The following BMPR1B variants were observed in gnomAD, a reference collection of about 807,000 sequenced individuals.
BMPR1B encodes the protein bone morphogenetic protein receptor type 1B.
Under a neutral mutation model 59.1 loss-of-function variants are expected in BMPR1B, and 12 were observed. That is an observed-to-expected ratio of 0.20 (90% CI 0.13 to 0.33). BMPR1B has a LOEUF of 0.33. Ranked by LOEUF, BMPR1B falls within the 10% of genes least tolerant of loss-of-function variation. The pLI is 1.00. For synonymous variants in BMPR1B, 237 were observed against 207.3 expected, an observed-to-expected ratio of 1.14 and a Z score of -1.23; for missense variants, 550 against 610.9, an observed-to-expected ratio of 0.90 and a Z score of 1.05.
chr4:95,146,771 C>T (rs1281194678), intron 10 of BMPR1B, among the ~76,000 whole-genome samples: 2 of 152,212 alleles, frequency 1.3e-5, no homozygotes, highest in African/African-American at 2.4e-5. Context: ...GAAATCCCTA[C>T]TCTGCTCCCA....
intron 11 of BMPR1B, among the ~76,000 whole-genome samples, chr4:95,151,081 T>C (rs1208146511): frequency 6.6e-6 from 1 of 152,198 alleles, no homozygotes; most frequent in Admixed American, 6.5e-5. Context: ...CAGGCCCTTC[T>C]GGGTGAAAGA....
intron 1 of BMPR1B, among the ~76,000 whole-genome samples, chr4:94,793,191 C>G (rs1723050777): frequency 6.6e-6 from 1 of 151,570 alleles, no homozygotes; most frequent in African/African-American, 2.4e-5. Context: ...CAACAGTCCT[C>G]AGAGTGTGAT....
At chr4:94,862,231 G>T (rs1177473583) in intron 1 of BMPR1B, among the ~76,000 whole-genome samples, 1 of 151,754 alleles carries the variant, frequency 6.6e-6, no homozygotes, top group Non-Finnish European at 1.5e-5. Context: ...GCTCACTGCA[G>T]TCGCATCTCC....
chr4:94,892,960 TG>T (rs1185690180), intron 2 of BMPR1B, among the ~76,000 whole-genome samples: 3 of 151,978 alleles, frequency 2.0e-5, no homozygotes, highest in Admixed American at 6.6e-5. Flanking sequence ...ATCTGTAAAG[TG>T]GGGATATCAG....
intron 1 of BMPR1B, among the ~76,000 whole-genome samples, chr4:94,848,640 A>G (rs13127472): frequency 0.21 from 31,736 of 151,954 alleles, 3,496 homozygotes; most frequent in African/African-American, 0.24. Context: ...AGTCATTGGA[A>G]TGTTTTGATC....
chr4:95,027,553 A>G (rs1724514859), intron 3 of BMPR1B, among the ~76,000 whole-genome samples: 1 of 152,142 alleles, frequency 6.6e-6, no homozygotes, highest in Non-Finnish European at 1.5e-5. Flanking sequence ...TGTGATGAAA[A>G]TGGTGTAGGA....
At chr4:95,062,079 G>C (rs1343354329) in intron 3 of BMPR1B, among the ~76,000 whole-genome samples, 1 of 152,068 alleles carries the variant, frequency 6.6e-6, no homozygotes, top group Non-Finnish European at 1.5e-5. Context: ...CATGCCTCCT[G>C]TACAGCCTGT....
At chr4:95,057,522 T>C (rs1163155235) in intron 3 of BMPR1B, among the ~76,000 whole-genome samples, 1 of 152,036 alleles carries the variant, frequency 6.6e-6, no homozygotes, top group Non-Finnish European at 1.5e-5. Context: ...TGCACTTTTA[T>C]TTTTAATTTC....
intron 3 of BMPR1B, among the ~76,000 whole-genome samples, chr4:95,042,147 T>C (rs1459736427): frequency 6.6e-6 from 1 of 152,170 alleles, no homozygotes; most frequent in Non-Finnish European, 1.5e-5. Context: ...TGAGCCACCA[T>C]GCCCAGCCAA....
At chr4:95,096,903 A>C (rs1730444909) in intron 3 of BMPR1B, among the ~76,000 whole-genome samples, 1 of 142,262 alleles carries the variant, frequency 7.0e-6, no homozygotes, top group South Asian at 2.1e-4. Flanking sequence ...ATATATATTC[A>C]ATTAAATTTA....
At chr4:95,089,206 A>C (rs931280227) in intron 3 of BMPR1B, among the ~76,000 whole-genome samples, 3 of 152,142 alleles carry the variant, frequency 2.0e-5, no homozygotes, top group Non-Finnish European at 4.4e-5. Context: ...AACACACACA[A>C]ATACATCTAC....
chr4:94,896,929 T>C (rs1442968841), intron 2 of BMPR1B, among the ~76,000 whole-genome samples: 1 of 152,086 alleles, frequency 6.6e-6, no homozygotes, highest in East Asian at 1.9e-4. Context: ...ATAGTATTTA[T>C]GATTACTGTA....
intron 1 of BMPR1B, among the ~76,000 whole-genome samples, chr4:94,799,189 TG>T (rs1479798284): frequency 6.7e-6 from 1 of 149,906 alleles, no homozygotes; most frequent in East Asian, 2.0e-4. Flanking sequence ...TTCTCTGTGT[TG>T]CTCTCTTGAT....
chr4:95,043,500 T>A (rs1332085026), intron 3 of BMPR1B, among the ~76,000 whole-genome samples: 1 of 152,232 alleles, frequency 6.6e-6, no homozygotes, highest in Non-Finnish European at 1.5e-5. Context: ...TGTAAACCTT[T>A]GTGTCTAATC....
chr4:95,123,864 G>T lies in BMPR1B; in HGVS notation c.404G>T (p.Cys135Phe). The change falls in exon 7 of 13, where the codon TGT becomes TTT. Residue 135 changes from cysteine (C) to phenylalanine (F), a missense_variant. Cys to Phe is a radical substitution (Grantham distance 205, BLOSUM62 -2). Transcript: ENST00000515059. The stretch of plus-strand genomic sequence containing the variant: ...GCTTTACTTATATCTGTGACTGTCT[G>T]TAGTTTGCTCTTGGTCCTTATCATA... ...HRALLISVTV[C>F]SLLLVLIILF... 6.2e-7 allele frequency: 1 copy of T among 1,612,282 alleles called. No homozygotes were observed. The highest frequency in any genetic ancestry group is 8.5e-7 in the Non-Finnish European group (1 of 1,179,332).
chr4:94,758,010 C>T lies in BMPR1B; in HGVS notation c.-241C>T, dbSNP rs1291852239. ...GCGGAGTCGGCGGGGCCTCGCGGGA[C>T]GCCGGGCAGTGCGGAGACCGCGGCG... On this transcript the variant is annotated 5_prime_UTR_variant, in exon 1 of 13. It adds an upstream start codon to the 5' untranslated region. Coordinates refer to ENST00000515059, the MANE Select transcript of BMPR1B (RefSeq NM_001203.3). The T allele has an allele frequency of 2.8e-5, 4 of 144,828 alleles. No homozygotes were observed. The highest frequency in any genetic ancestry group is 1.5e-5 in the Non-Finnish European group (1 of 65,788). 9.0% of individuals were successfully genotyped at this position (144,828 alleles called of 1,614,324 possible).
intron 1 of BMPR1B, among the ~76,000 whole-genome samples, chr4:94,785,626 C>G (rs550740985): frequency 6.6e-6 from 1 of 152,240 alleles, no homozygotes; most frequent in Admixed American, 6.5e-5. Context: ...CAGCTTAAGG[C>G]ACACTGTGAA....
At position 94,784,345 on chromosome 4, in the gene BMPR1B, G is replaced by A. The variant is rs556597414; in HGVS notation, c.-183+26277G>A. ...TTTTGGATGAACTTGTATAATATTA[G>A]GTTTTGTTCCTTGAAAGTTTGATAG... On this transcript the variant is annotated intron_variant, in intron 1 of 12. Coordinates refer to ENST00000515059, the MANE Select transcript of BMPR1B (RefSeq NM_001203.3). Among the ~76,000 whole-genome samples, 7 of 152,076 alleles carry A rather than the reference G, an allele frequency of 4.6e-5. No homozygotes were observed. The South Asian group carries it at 1.5e-3, about 32-fold the overall frequency.
At chr4:95,125,589 G>A (rs1216005056) in intron 8 of BMPR1B, among the ~76,000 whole-genome samples, 1 of 152,156 alleles carries the variant, frequency 6.6e-6, no homozygotes, top group African/African-American at 2.4e-5. Context: ...GGTCAGCACT[G>A]CCAACCTTGA....
Sources: allele counts gnomAD v4.1 joint callset (sites outside exome capture counted in the v4.1 genomes callset), GRCh38; gene constraint gnomAD v4.1.1; transcripts MANE v1.5; gene names NCBI Gene and HGNC (gene_info 2026-07-23, HGNC 2026-07-21).